Variants in MARCHF1 observed in about 807,000 individuals in gnomAD.
MARCHF1 encodes the protein membrane associated ring-CH-type finger 1, also known as E3 ubiquitin-protein ligase MARCHF1.
MARCHF1 carries 40 observed loss-of-function variants against 54.2 expected under a neutral mutation model. That is an observed-to-expected ratio of 0.74 (90% CI 0.57 to 0.96). MARCHF1 has a LOEUF of 0.96. Ranked by LOEUF, MARCHF1 falls within the 40% of genes least tolerant of loss-of-function variation. MARCHF1 has a pLI of 0.00. For missense variants in MARCHF1, 586 were observed against 656.5 expected (o/e 0.89, Z 1.17); for synonymous variants, 236 against 236.3 (o/e 1.00, Z 0.01).
At chr4:163,645,403 CTAG>C (rs1459193212) in intron 5 of MARCHF1, among the ~76,000 whole-genome samples, 1 of 152,150 alleles carries the variant, frequency 6.6e-6, no homozygotes, top group Non-Finnish European at 1.5e-5. Flanking sequence ...TCTGTAAAGA[CTAG>C]AAGAGGGTCT....
intron 2 of MARCHF1, among the ~76,000 whole-genome samples, chr4:164,099,507 G>T (rs1341514996): frequency 6.6e-6 from 1 of 152,056 alleles, no homozygotes; most frequent in African/African-American, 2.4e-5. Flanking sequence ...AGTCTCCCTT[G>T]TTGTCTCAGA....
chr4:163,908,144 G>A (rs918012726), intron 3 of MARCHF1, among the ~76,000 whole-genome samples: 2 of 152,110 alleles, frequency 1.3e-5, no homozygotes, highest in Non-Finnish European at 2.9e-5. Context: ...GATAAAGAAG[G>A]TTAAAACTCA....
At chr4:163,701,848 T>TA (rs1744819134) in intron 4 of MARCHF1, among the ~76,000 whole-genome samples, 1 of 151,948 alleles carries the variant, frequency 6.6e-6, no homozygotes, top group South Asian at 2.1e-4. Flanking sequence ...GTTTTTTTTT[T>TA]AACTTCTGGA....
intron 3 of MARCHF1, among the ~76,000 whole-genome samples, chr4:163,918,729 GTGTT>G (rs1751363151): frequency 6.6e-6 from 1 of 151,092 alleles, no homozygotes; most frequent in African/African-American, 2.4e-5. Flanking sequence ...GATTTGTTGC[GTGTT>G]TATTTTTGCT....
At chr4:164,330,274 A>G (rs568335641) in intron 1 of MARCHF1, 1 of 152,178 alleles carries the variant, frequency 6.6e-6, no homozygotes, top group South Asian at 2.1e-4. Flanking sequence ...GAGCCTACAC[A>G]TTCTTTACAG....
At chr4:164,212,273 C>A (rs1341864360) in intron 1 of MARCHF1, among the ~76,000 whole-genome samples, 6 of 152,084 alleles carry the variant, frequency 3.9e-5, no homozygotes, top group Non-Finnish European at 1.5e-5. Context: ...ATCATGATAG[C>A]CATATGAGAT....
chr4:164,134,922 T>A (rs1756371128), intron 1 of MARCHF1, among the ~76,000 whole-genome samples: 1 of 152,178 alleles, frequency 6.6e-6, no homozygotes, highest in Non-Finnish European at 1.5e-5. Flanking sequence ...TGGAGCAAGT[T>A]GACCTGCATC....
intron 8 of MARCHF1, among the ~76,000 whole-genome samples, chr4:163,555,691 T>C (rs910483015): frequency 6.6e-6 from 1 of 152,202 alleles, no homozygotes; most frequent in East Asian, 1.9e-4. Flanking sequence ...TGTGGCTTCA[T>C]AAAGAAAACA....
intron 3 of MARCHF1, among the ~76,000 whole-genome samples, chr4:163,928,417 G>C (rs919227512): frequency 1.3e-5 from 2 of 151,914 alleles, no homozygotes; most frequent in African/African-American, 2.4e-5. Context: ...AGAGCTAGGC[G>C]TGGTGGCAGA....
chr4:164,311,422 T>C (rs961684874), intron 1 of MARCHF1, among the ~76,000 whole-genome samples: 18 of 152,206 alleles, frequency 1.2e-4, no homozygotes, highest in Admixed American at 9.2e-4. Flanking sequence ...ATGCCTCTGC[T>C]ATGCAAATTT....
At chr4:164,376,345 T>C (rs887951799) in intron 1 of MARCHF1, among the ~76,000 whole-genome samples, 58 of 152,340 alleles carry the variant, frequency 3.8e-4, no homozygotes, top group African/African-American at 1.4e-3. Flanking sequence ...TTTTCTCTCA[T>C]TGTAATGGAT....
chr4:164,047,690 C>G (rs1754271632), intron 2 of MARCHF1, among the ~76,000 whole-genome samples: 1 of 152,086 alleles, frequency 6.6e-6, no homozygotes, highest in Non-Finnish European at 1.5e-5. Context: ...AAGAAAGACC[C>G]TTGTGTGTCA....
chr4:163,859,365 CTTT>C (rs34227596), intron 3 of MARCHF1, among the ~76,000 whole-genome samples: 3 of 130,154 alleles, frequency 2.3e-5, no homozygotes, highest in Non-Finnish European at 1.7e-5. Flanking sequence ...GAGAGAAAAG[CTTT>C]TTTTTTTTTT....
intron 1 of MARCHF1, among the ~76,000 whole-genome samples, chr4:164,371,882 G>C (rs1578908664): frequency 6.6e-6 from 1 of 152,074 alleles, no homozygotes; most frequent in East Asian, 1.9e-4. Flanking sequence ...ATTACTTTTT[G>C]TTTATAATAT....
intron 7 of MARCHF1, among the ~76,000 whole-genome samples, chr4:163,594,360 T>G (rs1257297444): frequency 6.6e-6 from 1 of 151,468 alleles, no homozygotes; most frequent in African/African-American, 2.4e-5. Context: ...TTTAGTATAT[T>G]TATTTAGTAT....
chr4:163,576,570 T>C (rs756243456), intron 8 of MARCHF1, among the ~76,000 whole-genome samples: 18 of 152,022 alleles, frequency 1.2e-4, no homozygotes, highest in Non-Finnish European at 2.1e-4. Context: ...ATTGGTCAAG[T>C]GTCAAATGTA....
intron 5 of MARCHF1, among the ~76,000 whole-genome samples, chr4:163,671,185 T>C (rs1005591738): frequency 1.3e-5 from 2 of 152,202 alleles, no homozygotes; most frequent in Admixed American, 6.5e-5. Context: ...AACAACACTA[T>C]CACTATTTAT....
chr4:164,068,464 T>C (rs1295218253), intron 2 of MARCHF1, among the ~76,000 whole-genome samples: 1 of 152,052 alleles, frequency 6.6e-6, no homozygotes, highest in South Asian at 2.1e-4. Flanking sequence ...TGGGTGGGCA[T>C]GGGCTCGGCA....
intron 2 of MARCHF1, among the ~76,000 whole-genome samples, chr4:164,087,605 A>G (rs955209820): frequency 6.6e-6 from 1 of 152,148 alleles, no homozygotes; most frequent in Non-Finnish European, 1.5e-5. Context: ...AAATTATATA[A>G]GATGAATGTA....
Sources: gnomAD v4.1 joint callset for allele counts (sites outside exome capture counted in the v4.1 genomes callset) on GRCh38, gnomAD v4.1.1 for gene constraint, MANE v1.5 for transcripts, NCBI Gene and HGNC (gene_info 2026-07-23, HGNC 2026-07-21) for gene names.